CNTN1: variants seen among roughly 807,000 people sequenced by gnomAD.
CNTN1 encodes the protein contactin 1, also known as contactin-1.
A neutral mutation model predicts 126.4 loss-of-function variants in CNTN1; 38 were observed. That is an observed-to-expected ratio of 0.30 (90% CI 0.23 to 0.39). The LOEUF is 0.39. CNTN1 is among the 10% of genes least tolerant of loss of function. The pLI, the probability that CNTN1 is intolerant of heterozygous loss-of-function variation, is 1.00. For missense variants in CNTN1, 1,009 were observed against 1,248.4 expected (o/e 0.81, Z 2.89); for synonymous variants, 413 against 422.6 (o/e 0.98, Z 0.28).
At chr12:41,016,594 C>A in intron 18 of CNTN1, 88 bp from the exon 19 acceptor site, 1 of 821,468 alleles carries the variant, frequency 1.2e-6, no homozygotes, top group Non-Finnish European at 2.1e-6. Flanking sequence ...ACAAAGAGCA[C>A]GCCTCCGTGT....
At chr12:40,772,313 C>A (rs1009597219) in intron 1 of CNTN1, among the ~76,000 whole-genome samples, 3 of 151,962 alleles carry the variant, frequency 2.0e-5, no homozygotes, top group Non-Finnish European at 2.9e-5. Context: ...CTGAAGCAAT[C>A]ACGCTCATTT....
At chr12:40,868,353 A>T (rs929193626) in intron 1 of CNTN1, among the ~76,000 whole-genome samples, 1 of 152,178 alleles carries the variant, frequency 6.6e-6, no homozygotes, top group African/African-American at 2.4e-5. Flanking sequence ...CTTCTAATCC[A>T]GTCTGTTAAA....
intron 1 of CNTN1, among the ~76,000 whole-genome samples, chr12:40,707,089 C>T (rs934604795): frequency 6.9e-6 from 1 of 144,140 alleles, no homozygotes; most frequent in African/African-American, 2.6e-5. Flanking sequence ...CACACACACA[C>T]CCCTGCTCAG....
In CNTN1 at chr12:40,933,730, A is replaced by C. The variant is rs746184282; in HGVS notation, c.837A>C (p.Leu279=). ...PVPDIRWRKV[L]EPMPSTAEIS... Reference sequence around the variant, plus strand: ...CGGATATCCGATGGCGGAAGGTTCTAGAACCAATGCCAAGCACTGCTGAGA... The same window carrying C: ...CGGATATCCGATGGCGGAAGGTTCTCGAACCAATGCCAAGCACTGCTGAGA... The change falls in exon 9 of 24, where the codon CTA becomes CTC. Residue 279 remains leucine, a synonymous_variant. Transcript: ENST00000551295. 1.2e-6 allele frequency: 2 copies of C among 1,612,806 alleles called. No individual in the cohort carries two copies. Among genetic ancestry groups the C allele is most frequent in the Non-Finnish European group, 1.7e-6 (2 of 1,179,194 alleles).
chr12:41,041,597 G>A (rs1220286175), intron 23 of CNTN1, among the ~76,000 whole-genome samples: 1 of 151,904 alleles, frequency 6.6e-6, no homozygotes, highest in Non-Finnish European at 1.5e-5. Flanking sequence ...TTCAGAGCCT[G>A]TTATTGGTCT....
intron 1 of CNTN1, among the ~76,000 whole-genome samples, chr12:40,707,239 T>C (rs28684960): frequency 0.29 from 3,665 of 12,676 alleles, 363 homozygotes; most frequent in Middle Eastern, 0.41. Flanking sequence ...TTTTTTTTTT[T>C]TTTTTTTTTT....
chr12:41,039,433 A>C (rs914678367), intron 23 of CNTN1, among the ~76,000 whole-genome samples: 3 of 152,186 alleles, frequency 2.0e-5, no homozygotes, highest in Non-Finnish European at 2.9e-5. Flanking sequence ...AACTTTAAGG[A>C]TTTAGACAGA....
intron 1 of CNTN1, among the ~76,000 whole-genome samples, chr12:40,800,303 C>T (rs1440330449): frequency 6.6e-6 from 1 of 151,936 alleles, no homozygotes; most frequent in Non-Finnish European, 1.5e-5. Context: ...TGTTAAGTTT[C>T]CTGAAGCCTC....
At chr12:41,011,298 G>T (rs1948646766) in intron 17 of CNTN1, among the ~76,000 whole-genome samples, 1 of 152,134 alleles carries the variant, frequency 6.6e-6, no homozygotes, top group African/African-American at 2.4e-5. Context: ...CACTTGCAAA[G>T]GTCTAGTAAG....
chr12:40,898,665 A>G (rs1944498284), intron 1 of CNTN1, among the ~76,000 whole-genome samples: 1 of 152,194 alleles, frequency 6.6e-6, no homozygotes, highest in African/African-American at 2.4e-5. Context: ...TAAAAAACAG[A>G]ATGTCAATGA....
intron 1 of CNTN1, among the ~76,000 whole-genome samples, chr12:40,733,253 T>C (rs894023153): frequency 6.6e-6 from 1 of 152,148 alleles, no homozygotes; most frequent in Middle Eastern, 3.4e-3. Flanking sequence ...GAAAAGCTTA[T>C]AAACCTGAAT....
At chr12:40,800,425 G>A (rs902674031) in intron 1 of CNTN1, among the ~76,000 whole-genome samples, 8 of 152,056 alleles carry the variant, frequency 5.3e-5, no homozygotes, top group African/African-American at 1.9e-4. Flanking sequence ...AGGTAAGGAA[G>A]ATACATTTGA....
chr12:40,885,452 A>G (rs1009596785), intron 1 of CNTN1, among the ~76,000 whole-genome samples: 1 of 151,974 alleles, frequency 6.6e-6, no homozygotes, highest in Non-Finnish European at 1.5e-5. Flanking sequence ...TTGGTAGAGT[A>G]CTTAAGCACA....
intron 23 of CNTN1, among the ~76,000 whole-genome samples, chr12:41,065,345 G>T (rs767066889): frequency 2.0e-5 from 3 of 152,192 alleles, no homozygotes; most frequent in Non-Finnish European, 4.4e-5. Flanking sequence ...GTGAGCCACC[G>T]CACCCGGCCT....
chr12:40,882,128 T>C, intron 1 of CNTN1, among the ~76,000 whole-genome samples: 1 of 151,702 alleles, frequency 6.6e-6, no homozygotes, highest in Non-Finnish European at 1.5e-5. Context: ...TTTTCTGTAA[T>C]AAATTTGGGT....
chr12:41,017,075 C>A (rs73116992), intron 19 of CNTN1, among the ~76,000 whole-genome samples, 159 bp downstream of exon 19: 1,711 of 152,236 alleles, frequency 0.011, 30 homozygotes, highest in African/African-American at 0.039. Flanking sequence ...TTAAACATCA[C>A]CCTCTTCATC....
chr12:41,036,374 T>TA (rs1339550032), intron 23 of CNTN1, among the ~76,000 whole-genome samples: 1 of 152,046 alleles, frequency 6.6e-6, no homozygotes, highest in African/African-American at 2.4e-5. Context: ...TCATACCTTC[T>TA]AAAAAAATAA....
At chr12:41,016,981 T>C in intron 19 of CNTN1, 65 bp downstream of exon 19, 2 of 1,371,352 alleles carry the variant, frequency 1.5e-6, no homozygotes, top group Non-Finnish European at 2.1e-6. Flanking sequence ...AGCAGGCATT[T>C]AGTTTGTTTC....
chr12:41,027,332 A>T (rs1459524473), intron 21 of CNTN1, among the ~76,000 whole-genome samples: 1 of 152,102 alleles, frequency 6.6e-6, no homozygotes, highest in Non-Finnish European at 1.5e-5. Flanking sequence ...AAAGGTACAT[A>T]GATGAAGTCC....
Sources: allele counts gnomAD v4.1 joint callset (sites outside exome capture counted in the v4.1 genomes callset), GRCh38; gene constraint gnomAD v4.1.1; transcripts MANE v1.5; gene names NCBI Gene and HGNC (gene_info 2026-07-23, HGNC 2026-07-21).